The following KLHL3 variants were observed in gnomAD, a reference collection of about 807,000 sequenced individuals.
KLHL3 encodes kelch like family member 3, also known as kelch-like protein 3.
Under a neutral mutation model 70.5 loss-of-function variants are expected in KLHL3, and 19 were observed. The ratio of observed to expected loss-of-function variants is 0.27; its 90% CI spans 0.19 to 0.40. The LOEUF is 0.40. Among genes scored for constraint, KLHL3 ranks in the 10% least tolerant of loss-of-function variants. The pLI is 1.00. For synonymous variants in KLHL3, 258 were observed against 290.3 expected (o/e 0.89, Z 1.13); for missense variants, 512 against 771.1 (o/e 0.66, Z 3.98).
At chr5:137,628,092 T>C (rs1750526114) in intron 13 of KLHL3, 5 of 593,682 alleles carry the variant, frequency 8.4e-6, no homozygotes, top group South Asian at 8.0e-5. Context: ...CCTCTGCATC[T>C]AGGTTGCAGG....
chr5:137,652,586 C>G (rs1209740523), intron 8 of KLHL3, among the ~76,000 whole-genome samples: 4 of 152,182 alleles, frequency 2.6e-5, no homozygotes, highest in African/African-American at 9.7e-5. Context: ...AACATACAAT[C>G]TCACTCATAC....
At chr5:137,678,517 T>C (rs1455932275) in intron 5 of KLHL3, among the ~76,000 whole-genome samples, 1 of 152,170 alleles carries the variant, frequency 6.6e-6, no homozygotes, top group African/African-American at 2.4e-5. Flanking sequence ...ATGGCATCAC[T>C]GCTATGTTGC....
chr5:137,650,975 G>T (rs1256289079), intron 8 of KLHL3, among the ~76,000 whole-genome samples: 8 of 152,154 alleles, frequency 5.3e-5, no homozygotes, highest in Non-Finnish European at 1.2e-4. Context: ...TTCAAATTTG[G>T]ACTTGTAGGC....
chr5:137,714,099 C>G (rs1752850248), intron 2 of KLHL3, among the ~76,000 whole-genome samples: 1 of 148,582 alleles, frequency 6.7e-6, no homozygotes, highest in Non-Finnish European at 1.5e-5. Flanking sequence ...TGCTCGACAT[C>G]ATTAACAATC....
chr5:137,638,521 G>A (rs1221323119), intron 10 of KLHL3, among the ~76,000 whole-genome samples: 2 of 152,174 alleles, frequency 1.3e-5, no homozygotes, highest in Non-Finnish European at 2.9e-5. Context: ...CAGTAGGGTA[G>A]TAGAAAGGGC....
At chr5:137,632,465 T>A (rs1258671227) in intron 12 of KLHL3, among the ~76,000 whole-genome samples, 1 of 152,036 alleles carries the variant, frequency 6.6e-6, no homozygotes, top group Admixed American at 6.5e-5. Context: ...TACAGAAAAA[T>A]GAAACTAGAC....
At chr5:137,699,226 GAGGA>G (rs1469151812) in intron 3 of KLHL3, among the ~76,000 whole-genome samples, 3 of 152,350 alleles carry the variant, frequency 2.0e-5, no homozygotes, top group Admixed American at 2.0e-4. Context: ...CAGCAAAGGT[GAGGA>G]AGGATGAGCT....
At chr5:137,644,450 T>C (rs907051417) in intron 8 of KLHL3, among the ~76,000 whole-genome samples, 1 of 152,252 alleles carries the variant, frequency 6.6e-6, no homozygotes, top group African/African-American at 2.4e-5. Flanking sequence ...TGCTGTTTTT[T>C]GGCTATTGTG....
In KLHL3 at chr5:137,665,831, T is replaced by C. The variant is rs192179942; in HGVS notation, c.637-3800A>G. On this transcript the variant is annotated intron_variant, in intron 6 of 14. Transcript: ENST00000309755. ...ATACTTAAGTCAGGCTGGACATAAC[T>C]TGAATTTGGCAAGGAAAGGAAAGGG... is the stretch of plus-strand genomic sequence containing the variant. Among the ~76,000 whole-genome samples, 693 of 151,840 alleles carry C rather than the reference T, an allele frequency of 4.6e-3. 5 individuals are homozygous for C. The highest frequency in any genetic ancestry group is 6.1e-3 in the Non-Finnish European group (417 of 67,962).
chr5:137,655,723 C>T lies in KLHL3; in HGVS notation c.903+2408G>A, dbSNP rs1246826541. Among the ~76,000 whole-genome samples the T allele has an allele frequency of 2.0e-5, 3 of 152,132 alleles. No individual in the cohort carries two copies. The East Asian group carries it at 5.8e-4, about 29-fold the overall frequency. On this transcript the variant is annotated intron_variant, in intron 8 of 14. Coordinates refer to ENST00000309755, the MANE Select transcript of KLHL3 (RefSeq NM_017415.3). ...ATAAGGCCAGGCACAGTGGCTCACA[C>T]CTACAATCCCAGCATTTTGGGAGGC... is the stretch of plus-strand genomic sequence containing the variant.
chr5:137,682,723 G>A (rs1364750479), intron 5 of KLHL3, among the ~76,000 whole-genome samples: 1 of 152,188 alleles, frequency 6.6e-6, no homozygotes, highest in African/African-American at 2.4e-5. Context: ...GGAGCCCCAT[G>A]AGGTCAGGGA....
intron 10 of KLHL3, 136 bp downstream of exon 10, chr5:137,638,817 G>T: frequency 1.2e-6 from 1 of 802,152 alleles, no homozygotes; most frequent in African/African-American, 1.7e-5. Flanking sequence ...GCTGGATGAG[G>T]AAGAAGAGTG....
rs574883298 is a variant in KLHL3 at position 137,639,038 on chromosome 5, G to A, written c.1134C>T (p.Ala378=). ...DGVKDQWTSI[A]SMQERRSTLG... ...GTGTGCTCCGGCGCTCCTGCATGCT[G>A]GCAATGGACGTCCACTGGTCCTTCA... Residue 378 remains alanine, a synonymous_variant, in exon 10 of 15, where the codon GCC becomes GCT. Transcript: ENST00000309755. This position sits in a 1 kb window ranked among gnomAD's most constrained non-coding sequence, Gnocchi z 5.0. 6.2e-5 allele frequency: 100 copies of A among 1,614,158 alleles called. No homozygotes were observed. In the South Asian group the frequency reaches 9.7e-4, roughly 16 times the overall value.
chr5:137,635,620 CTG>C (rs895941521), intron 11 of KLHL3, among the ~76,000 whole-genome samples: 3 of 152,116 alleles, frequency 2.0e-5, no homozygotes, highest in African/African-American at 7.2e-5. Context: ...GTGTGGAGAG[CTG>C]TCTCTTCAAG....
intron 14 of KLHL3, among the ~76,000 whole-genome samples, chr5:137,623,623 C>A (rs916675252): frequency 6.6e-5 from 10 of 152,154 alleles, no homozygotes; most frequent in African/African-American, 2.2e-4. Flanking sequence ...AATCTTTAAT[C>A]CCTTCACACA....
chr5:137,637,452 G>A (rs1444231133), intron 10 of KLHL3, 57 bp from the exon 11 acceptor site: 2 of 1,475,462 alleles, frequency 1.4e-6, no homozygotes, highest in African/African-American at 2.8e-5. Context: ...CCTGCTGTGT[G>A]AGAAGCAGTG....
intron 5 of KLHL3, among the ~76,000 whole-genome samples, chr5:137,686,842 C>G (rs891242302): frequency 6.6e-6 from 1 of 152,270 alleles, no homozygotes; most frequent in African/African-American, 2.4e-5. Flanking sequence ...ATCTTTGCAT[C>G]ATGGCCTTAT....
intron 12 of KLHL3, among the ~76,000 whole-genome samples, chr5:137,631,277 T>C (rs963113696): frequency 5.9e-5 from 9 of 152,070 alleles, no homozygotes; most frequent in Non-Finnish European, 7.4e-5. Flanking sequence ...TCTAAGACAA[T>C]GGATGGGAAG....
intron 3 of KLHL3, chr5:137,707,401 C>G (rs1029556228): frequency 1.3e-5 from 2 of 152,132 alleles, no homozygotes; most frequent in African/African-American, 4.8e-5. Flanking sequence ...CCACTATACT[C>G]CAGCCTGAGC....
Sources: gnomAD v4.1 joint callset for allele counts (sites outside exome capture counted in the v4.1 genomes callset) on GRCh38, gnomAD v4.1.1 for gene constraint, Gnocchi (gnomAD v3.1) non-coding constraint, MANE v1.5 for transcripts, NCBI Gene and HGNC (gene_info 2026-07-23, HGNC 2026-07-21) for gene names.